Variants in ABCA2 observed in about 807,000 individuals in gnomAD.
The protein encoded by ABCA2 is ATP-binding cassette sub-family A member 2.
A neutral mutation model predicts 262.8 loss-of-function variants in ABCA2; 84 were observed. The ratio of observed to expected loss-of-function variants is 0.32; its 90% confidence interval spans 0.27 to 0.38. The LOEUF is 0.38. ABCA2 is among the 10% of genes least tolerant of loss of function. ABCA2 has a pLI of 1.00. For missense variants in ABCA2, 2,662 were observed against 3,405.9 expected, an observed-to-expected ratio of 0.78 and a Z score of 5.44; for synonymous variants, 1,696 against 1,502.9, an observed-to-expected ratio of 1.13 and a Z score of -2.97.
chr9:137,024,645 G>C (rs985590759), intron 1 of ABCA2, among the ~76,000 whole-genome samples: 3 of 152,166 alleles, frequency 2.0e-5, no homozygotes, highest in African/African-American at 7.2e-5. Context: ...CACTGCCCCG[G>C]GTTCACCTTC....
In ABCA2 at chr9:137,024,050, G is replaced by A. The variant is rs1831569097; in HGVS notation, c.160+93C>T. 3.3e-6 allele frequency: 5 copies of A among 1,516,130 alleles called. No individual in the cohort carries two copies. The South Asian group carries it at 3.8e-5, about 12-fold the overall frequency. The allele number at this position is 1,516,130 out of a possible 1,614,324, so 93.9% of individuals were successfully genotyped here. ...GCACCGCACCTCAGGGACTCCGGGA[G>A]CAGGACACCCGTGTGCAGATGTGCA... is the stretch of plus-strand genomic sequence containing the variant. On this transcript the variant is annotated intron_variant, in intron 2 of 48. Transcript: ENST00000341511.
intron 40 of ABCA2, 37 bp from the exon 41 acceptor site, chr9:137,010,408 C>A: frequency 1.3e-6 from 2 of 1,546,216 alleles, no homozygotes; most frequent in Middle Eastern, 2.0e-4. Flanking sequence ...GGGCATCCTG[C>A]CCCCACCCTG....
intron 2 of ABCA2, 113 bp from the exon 3 acceptor site, chr9:137,023,953 C>T (rs922988239): frequency 1.8e-5 from 26 of 1,469,872 alleles, no homozygotes; most frequent in Middle Eastern, 1.7e-4. Flanking sequence ...CATCATCATT[C>T]GCGGCCACAG....
chr9:137,023,724 G>A, intron 3 of ABCA2, 114 bp downstream of exon 3: 4 of 706,950 alleles, frequency 5.7e-6, no homozygotes, highest in South Asian at 4.5e-5. Context: ...GAGGCCGGCA[G>A]GGGGCCCGGG....
rs1831708951 is a variant in ABCA2 at position 137,027,915 on chromosome 9, AG to A, written c.66+159del. 11 of 186,250 alleles carry A rather than the reference AG, an allele frequency of 5.9e-5. No individual in the cohort carries two copies. The South Asian group carries it at 1.6e-3, about 27-fold the overall frequency. 11.5% of individuals were successfully genotyped at this position (186,250 alleles called of 1,614,324 possible). A position where few individuals can be genotyped will look rare whatever the true frequency, so the allele number is the denominator to read the frequency against. ...CCGGAGGCCGCAGCGCCGGCAGGCG[AG>A]GGCAGGGCCCGGCGGGGAGGGGGCT... is the stretch of plus-strand genomic sequence containing the variant. On this transcript the variant is annotated intron_variant, in intron 1 of 48. Transcript: ENST00000341511.
At position 137,019,382 on chromosome 9, in the gene ABCA2, T is replaced by A; in HGVS notation, c.1426-76A>T. 6.6e-7 allele frequency: 1 copy of A among 1,525,758 alleles called. No individual in the cohort carries two copies. Among genetic ancestry groups the A allele is most frequent in the Non-Finnish European group, 8.9e-7 (1 of 1,123,026 alleles). 94.5% of individuals were successfully genotyped at this position (1,525,758 alleles called of 1,614,324 possible). A position where few individuals can be genotyped will look rare whatever the true frequency, so the allele number is the denominator to read the frequency against. On this transcript the variant is annotated intron_variant, in intron 10 of 48. Transcript: ENST00000341511. The surrounding 1 kb of genome is among the most constrained non-coding windows in gnomAD (Gnocchi z 4.4). ...CTTGGGGGCTCTCACCCCACTCACC[T>A]CCCCAGTGGCTGGTCCATTGCCAAC...
chr9:137,009,359 C>A lies in ABCA2; in HGVS notation c.6827+11G>T. 6.4e-7 allele frequency: 1 copy of A among 1,565,380 alleles called. No homozygotes were observed. The highest frequency in any genetic ancestry group is 8.6e-7 in the Non-Finnish European group (1 of 1,157,436). ...CCGCCCCAGCCCACCCCTGGCCCTG[C>A]CCCGGCTCACCGGTTCTTCAGGTGC... On this transcript the variant is annotated intron_variant, in intron 45 of 48. Coordinates refer to ENST00000341511, the MANE Select transcript of ABCA2 (RefSeq NM_001606.5).
chr9:137,016,505 C>T (rs749335552), intron 20 of ABCA2, 34 bp from the exon 21 acceptor site: 6 of 1,612,190 alleles, frequency 3.7e-6, no homozygotes, highest in Admixed American at 1.7e-5. Context: ...AGGGTGGGGG[C>T]GGCGCCAAGG....
chr9:137,012,580 T>C lies in ABCA2; in HGVS notation c.5092A>G (p.Ile1698Val). ...DRFRLHRYGAITFGNVLKSIP... is the reference protein window; with the variant it reads ...DRFRLHRYGAVTFGNVLKSIP... Reference sequence around the variant, plus strand: ...GACTTCAGGACGTTTCCAAAGGTGATGGCCCCATACCTGGGCAGGCAGGTG... The same window carrying C: ...GACTTCAGGACGTTTCCAAAGGTGACGGCCCCATACCTGGGCAGGCAGGTG... The change falls in exon 32 of 49, where the codon ATC (isoleucine) becomes GTC (valine). Residue 1698 changes from isoleucine to valine, a missense_variant. By Grantham distance (29) the Ile-to-Val change is conservative. Around this residue, in one of 12 missense-constraint regions of ABCA2, gnomAD observed 602 missense variants for 897.4 expected, o/e 0.67. Coordinates refer to ENST00000341511, the MANE Select transcript of ABCA2 (RefSeq NM_001606.5). The C allele has an allele frequency of 1.2e-6, 2 of 1,611,764 alleles. No homozygotes were observed. The highest frequency in any genetic ancestry group is 8.5e-7 in the Non-Finnish European group (1 of 1,179,876).
In ABCA2 at chr9:137,008,830, C is replaced by G; in HGVS notation, c.6969G>C (p.Ser2323=). The G allele has an allele frequency of 6.2e-7, 1 of 1,605,372 alleles. No individual in the cohort carries two copies. Among genetic ancestry groups the G allele is most frequent in the East Asian group, 2.2e-5 (1 of 44,862 alleles). Residue 2323 remains serine (S), a synonymous_variant, in exon 47 of 49, where the codon TCG becomes TCC. Transcript: ENST00000341511. The part of the protein sequence containing the change: ...HHTKVQYQLK[S]EHISLAQVFS... ...ACACCTGGGCCAGCGAGATGTGCTC[C>G]GACTTGAGCTGGTACTGCACCTTTG...
In ABCA2 at chr9:137,018,872, C is replaced by T. The variant is rs755219655; in HGVS notation, c.1722+31G>A. On this transcript the variant is annotated intron_variant, in intron 12 of 48. Transcript: ENST00000341511. ...TGGGCATGTGCGAGGCAGGGGGTGT[C>T]GTGGGTTGGCTCGGAGGCCCCACCG... The T allele has an allele frequency of 1.2e-5, 20 of 1,611,848 alleles. 1 individual carries two copies. Among genetic ancestry groups the T allele is most frequent in the South Asian group, 1.1e-4 (10 of 91,036 alleles).
rs374868261 is a variant in ABCA2, at chr9:137,015,660, C to T, written c.3514+15G>A. Reference sequence around the variant, plus strand: ...GGCGCCGCCCGCACCCCTGCCCACACGGCACCCCACTCACCTGGCTTGTAC... The same window carrying T: ...GGCGCCGCCCGCACCCCTGCCCACATGGCACCCCACTCACCTGGCTTGTAC... On this transcript the variant is annotated intron_variant, in intron 23 of 48. Transcript: ENST00000341511. 62 of 1,609,078 alleles carry T rather than the reference C, an allele frequency of 3.9e-5. No homozygotes were observed. Among genetic ancestry groups the T allele is most frequent in the Non-Finnish European group, 4.6e-5 (54 of 1,178,522 alleles).
Position 137,021,836 on chromosome 9 carries a change from G to T in ABCA2, c.678+55C>A, listed in dbSNP as rs758861118. On this transcript the variant is annotated intron_variant, in intron 7 of 48. Coordinates refer to ENST00000341511, the MANE Select transcript of ABCA2 (RefSeq NM_001606.5). This position sits in a 1 kb window ranked among gnomAD's most constrained non-coding sequence, Gnocchi z 6.0. ...CCCTTTCCTCACCCACGGAGCAGAAGCACCCCCAGAGGCAGGCAGCACTCC... is the reference window on the plus strand; with the variant it reads ...CCCTTTCCTCACCCACGGAGCAGAATCACCCCCAGAGGCAGGCAGCACTCC... 13 of 1,481,464 alleles carry T rather than the reference G, an allele frequency of 8.8e-6. No individual in the cohort carries two copies. The highest frequency in any genetic ancestry group is 1.2e-5 in the Non-Finnish European group (13 of 1,082,108). The allele number at this position is 1,481,464 out of a possible 1,614,324, so 91.8% of individuals were successfully genotyped here. A position where few individuals can be genotyped will look rare whatever the true frequency, so the allele number is the denominator to read the frequency against.
chr9:137,014,127 C>A, intron 27 of ABCA2, 41 bp downstream of exon 27: 1 of 1,593,656 alleles, frequency 6.3e-7, no homozygotes, highest in East Asian at 2.3e-5. Flanking sequence ...CAACCCTGCT[C>A]CCCCTCCCTT....
At position 137,019,261 on chromosome 9, in the gene ABCA2, G is replaced by C. The variant is rs377220332; in HGVS notation, c.1471C>G (p.Gln491Glu). 1.4e-4 allele frequency: 226 copies of C among 1,612,710 alleles called. 1 individual carries two copies. In the Middle Eastern group the frequency reaches 4.0e-3, roughly 28 times the overall value. The change falls in exon 11 of 49, where the codon CAG becomes GAG. Residue 491 changes from glutamine (Q) to glutamate (E), a missense_variant. Coordinates refer to ENST00000341511, the MANE Select transcript of ABCA2 (RefSeq NM_001606.5). This position sits in a 1 kb window ranked among gnomAD's most constrained non-coding sequence, Gnocchi z 4.4. ...AFVGNVTHYA[Q>E]VWLNISAEIR... The stretch of plus-strand genomic sequence containing the variant: ...TCCGCCGAGATGTTGAGCCAGACCT[G>C]GGCATAGTGAGTCACGTTGCCCACA...
At chr9:137,017,418 G>A in intron 17 of ABCA2, 72 bp from the exon 18 acceptor site, 2 of 1,602,296 alleles carry the variant, frequency 1.2e-6, no homozygotes, top group Non-Finnish European at 1.7e-6. Context: ...CCGTGCCAGG[G>A]TCCAGGGGGC....
In ABCA2 at chr9:137,007,463, A is replaced by C; in HGVS notation, c.*466T>G. 2.4e-5 allele frequency: 4 copies of C among 166,594 alleles called. No individual in the cohort carries two copies. The highest frequency in any genetic ancestry group is 2.7e-4 in the South Asian group (2 of 7,416). The allele number at this position is 166,594 out of a possible 1,614,324, so 10.3% of individuals were successfully genotyped here. On this transcript the variant is annotated 3_prime_UTR_variant, in exon 49 of 49. Coordinates refer to ENST00000341511, the MANE Select transcript of ABCA2 (RefSeq NM_001606.5). ...CAGGACAGCCACCTCCCTGCAGGAG[A>C]GCAGGGCCAGAGGAGCCTCTTCTCA...
chr9:137,022,319 G>A (rs930616628), intron 6 of ABCA2, 32 bp downstream of exon 6: 16 of 1,564,388 alleles, frequency 1.0e-5, no homozygotes, highest in Middle Eastern at 1.8e-4. Context: ...GCAGAAGGGA[G>A]TGGCCAGGGC....
Position 137,020,987 on chromosome 9 carries a change from C to A in ABCA2, c.972G>T (p.Leu324=). The A allele has an allele frequency of 1.3e-6, 2 of 1,526,968 alleles. No homozygotes were observed. The highest frequency in any genetic ancestry group is 1.2e-5 in the South Asian group (1 of 80,672). The allele number at this position is 1,526,968 out of a possible 1,614,324, so 94.6% of individuals were successfully genotyped here. ...CCTTCTGGGCATCCAGCAGGTCCCCCAGAAGCGCCTGCAGCCTCCGTGGGG... is the reference window on the plus strand; with the variant it reads ...CCTTCTGGGCATCCAGCAGGTCCCCAAGAAGCGCCTGCAGCCTCCGTGGGG... ...APPPRRLQAL[L]GDLLDAQKVL... Residue 324 remains leucine (L), a synonymous_variant, in exon 9 of 49, where the codon CTG becomes CTT. Transcript: ENST00000341511.
Sources: gnomAD v4.1 joint callset for allele counts (sites outside exome capture counted in the v4.1 genomes callset) on GRCh38, gnomAD v4.1.1 for gene constraint, gnomAD v4.1.1 regional missense constraint, Gnocchi (gnomAD v3.1) non-coding constraint, MANE v1.5 for transcripts, NCBI Gene and HGNC (gene_info 2026-07-23, HGNC 2026-07-21) for gene names.